Variants in MAML1 observed in about 807,000 individuals in gnomAD.
MAML1 encodes the protein mastermind like transcriptional coactivator 1.
A neutral mutation model predicts 77.1 loss-of-function variants in MAML1; 14 were observed. The ratio of observed to expected loss-of-function variants is 0.18; its 90% CI spans 0.12 to 0.28. The LOEUF (loss-of-function observed/expected upper bound fraction) is 0.28, where lower values mean the gene tolerates loss of function less well. Ranked by LOEUF, MAML1 falls within the 10% of genes least tolerant of loss-of-function variation. The pLI, the probability that MAML1 is intolerant of heterozygous loss-of-function variation, is 1.00. For missense variants in MAML1, 1,217 were observed against 1,327.8 expected, an observed-to-expected ratio of 0.92 and a Z score of 1.30; for synonymous variants, 516 against 551.9, an observed-to-expected ratio of 0.93 and a Z score of 0.91.
intron 2 of MAML1, among the ~76,000 whole-genome samples, chr5:179,768,417 A>G (rs1779860609): frequency 1.3e-5 from 2 of 152,234 alleles, no homozygotes; most frequent in Non-Finnish European, 2.9e-5. Flanking sequence ...AGATCGTGCC[A>G]TTGCACTCCA....
intron 1 of MAML1, among the ~76,000 whole-genome samples, chr5:179,759,117 AT>A (rs1779678755): frequency 1.3e-5 from 2 of 152,070 alleles, no homozygotes; most frequent in Admixed American, 1.3e-4. Flanking sequence ...AGGTGCTCCT[AT>A]TTGTACGGTT....
chr5:179,764,308 G>A (rs1311598916), intron 1 of MAML1, among the ~76,000 whole-genome samples: 1 of 151,030 alleles, frequency 6.6e-6, no homozygotes, highest in Non-Finnish European at 1.5e-5. Flanking sequence ...CAGATGGGAA[G>A]CAGAGTCACA....
chr5:179,765,244 G>C (rs910429175), intron 1 of MAML1, 82 bp from the exon 2 acceptor site: 4 of 1,207,780 alleles, frequency 3.3e-6, no homozygotes, highest in Non-Finnish European at 4.7e-6. Flanking sequence ...GAGCATTGCA[G>C]GGACATCAGC....
chr5:179,739,394 G>T (rs980233161), intron 1 of MAML1, among the ~76,000 whole-genome samples: 9 of 151,932 alleles, frequency 5.9e-5, no homozygotes, highest in African/African-American at 2.2e-4. Flanking sequence ...GAATAGAATA[G>T]AATAGAAAAA....
chr5:179,756,479 T>A (rs1203373421), intron 1 of MAML1, among the ~76,000 whole-genome samples: 1 of 149,500 alleles, frequency 6.7e-6, no homozygotes, highest in Non-Finnish European at 1.5e-5. Flanking sequence ...TGGAAGTATA[T>A]TCTCAGTCCT....
At chr5:179,747,808 CAA>C (rs71001044) in intron 1 of MAML1, among the ~76,000 whole-genome samples, 4 of 40,894 alleles carry the variant, frequency 9.8e-5, no homozygotes, top group Non-Finnish European at 1.7e-4. Flanking sequence ...GACTCCATCT[CAA>C]AAAAAAAAAA....
chr5:179,750,480 T>C (rs1446262626), intron 1 of MAML1, among the ~76,000 whole-genome samples: 1 of 152,146 alleles, frequency 6.6e-6, no homozygotes, highest in Non-Finnish European at 1.5e-5. Flanking sequence ...TGTTTTTGTT[T>C]TAAGACAGGG....
chr5:179,734,326 G>T (rs888035643), intron 1 of MAML1, among the ~76,000 whole-genome samples: 2 of 152,168 alleles, frequency 1.3e-5, no homozygotes, highest in African/African-American at 4.8e-5. Context: ...TAACCAGTCT[G>T]TAGGCATTTA....
chr5:179,743,529 G>A (rs554053445), intron 1 of MAML1, among the ~76,000 whole-genome samples: 1 of 151,384 alleles, frequency 6.6e-6, no homozygotes, highest in East Asian at 1.9e-4. Flanking sequence ...ACCACGCCCG[G>A]CTAATTTTTT....
At position 179,766,217 on chromosome 5, in the gene MAML1, G is replaced by A. The variant is rs562541563; in HGVS notation, c.1207G>A (p.Ala403Thr). Reference protein sequence around the residue: ...LSSAHQLQQIAAKQKREQMLQ... With the variant: ...LSSAHQLQQITAKQKREQMLQ... ...CTCTGCCCACCAGCTCCAGCAGATCGCTGCCAAGCAGAAGCGCGAGCAGAT... is the reference window on the plus strand; with the variant it reads ...CTCTGCCCACCAGCTCCAGCAGATCACTGCCAAGCAGAAGCGCGAGCAGAT... The change falls in exon 2 of 5, where the codon GCT becomes ACT. Residue 403 changes from alanine (A) to threonine (T), a missense_variant. By Grantham distance (58) the Ala-to-Thr change is moderately conservative. Transcript: ENST00000292599. The surrounding 1 kb of genome is among the most constrained non-coding windows in gnomAD (Gnocchi z 4.0). 1.2e-5 allele frequency: 19 copies of A among 1,612,658 alleles called. No homozygotes were observed. In the Admixed American group the frequency reaches 1.5e-4, roughly 13 times the overall value.
At chr5:179,751,219 C>G (rs910955812) in intron 1 of MAML1, among the ~76,000 whole-genome samples, 1 of 151,818 alleles carries the variant, frequency 6.6e-6, no homozygotes, top group Non-Finnish European at 1.5e-5. Context: ...GTGATCCACC[C>G]GCCTCGGCCT....
At position 179,771,577 on chromosome 5, in the gene MAML1, CT is replaced by C. The variant is rs1212584723; in HGVS notation, c.2068+336del. Among the ~76,000 whole-genome samples the C allele has an allele frequency of 6.6e-6, 1 of 152,202 alleles. No homozygotes were observed. Among genetic ancestry groups the C allele is most frequent in the Non-Finnish European group, 1.5e-5 (1 of 68,040 alleles). On this transcript the variant is annotated intron_variant, in intron 4 of 4. Coordinates refer to ENST00000292599, the MANE Select transcript of MAML1 (RefSeq NM_014757.5). The surrounding 1 kb of genome is among the most constrained non-coding windows in gnomAD (Gnocchi z 4.7). ...GTTCTTTGCTTCTGCTTTTATGTGT[CT>C]TCAAAAAATGACTCCTATCTTCCAG...
intron 1 of MAML1, among the ~76,000 whole-genome samples, chr5:179,751,561 C>T (rs980571623): frequency 3.3e-5 from 5 of 151,954 alleles, no homozygotes; most frequent in Non-Finnish European, 5.9e-5. Flanking sequence ...AAAAATTAGC[C>T]GGGCATGGTG....
At chr5:179,760,264 G>C (rs1327359468) in intron 1 of MAML1, among the ~76,000 whole-genome samples, 1 of 152,064 alleles carries the variant, frequency 6.6e-6, no homozygotes, top group East Asian at 1.9e-4. Flanking sequence ...GTTAGGCCCT[G>C]ACACTAGATG....
chr5:179,733,783 T>C (rs541236022), intron 1 of MAML1, among the ~76,000 whole-genome samples: 54 of 152,344 alleles, frequency 3.5e-4, no homozygotes, highest in African/African-American at 8.4e-4. Flanking sequence ...TCCTGCACCG[T>C]AGGCCTGGCC....
At chr5:179,739,435 C>T (rs569090382) in intron 1 of MAML1, among the ~76,000 whole-genome samples, 5 of 152,154 alleles carry the variant, frequency 3.3e-5, no homozygotes, top group Non-Finnish European at 7.3e-5. Context: ...GGTATGGTGG[C>T]TCACACCTGT....
chr5:179,759,612 C>G (rs1017738370), intron 1 of MAML1, among the ~76,000 whole-genome samples: 1 of 152,154 alleles, frequency 6.6e-6, no homozygotes, highest in African/African-American at 2.4e-5. Context: ...CCTACTTTAC[C>G]TGAAGAGAGG....
In MAML1 at chr5:179,776,743, C is replaced by T. The variant is rs1158938266; in HGVS notation, c.*1866C>T. ...GTCCCCGGGGCTCGCTGGCCCTGCA[C>T]TCCGCCTTAGTCCTGGGGCCGGCGA... On this transcript the variant is annotated 3_prime_UTR_variant, in exon 5 of 5. Transcript: ENST00000292599. The T allele has an allele frequency of 1.0e-6, 1 of 985,884 alleles. No homozygotes were observed. Among genetic ancestry groups the T allele is most frequent in the Non-Finnish European group, 1.2e-6 (1 of 830,070 alleles). 61.1% of individuals were successfully genotyped at this position (985,884 alleles called of 1,614,324 possible). A position where few individuals can be genotyped will look rare whatever the true frequency, so the allele number is the denominator to read the frequency against.
chr5:179,775,499 G>A lies in MAML1; in HGVS notation c.*622G>A. The A allele has an allele frequency of 2.0e-6, 2 of 985,326 alleles. No homozygotes were observed. Among genetic ancestry groups the A allele is most frequent in the Non-Finnish European group, 2.4e-6 (2 of 829,934 alleles). 61.0% of individuals were successfully genotyped at this position (985,326 alleles called of 1,614,324 possible). ...GGCCACTGGAAAATTATTTCCCTAA[G>A]TGCAGGCTGTTGACTGCGTATGCCA... On this transcript the variant is annotated 3_prime_UTR_variant, in exon 5 of 5. Coordinates refer to ENST00000292599, the MANE Select transcript of MAML1 (RefSeq NM_014757.5).
Sources: allele counts gnomAD v4.1 joint callset (sites outside exome capture counted in the v4.1 genomes callset), GRCh38; gene constraint gnomAD v4.1.1; non-coding constraint Gnocchi (gnomAD v3.1); transcripts MANE v1.5; gene names NCBI Gene and HGNC (gene_info 2026-07-23, HGNC 2026-07-21).